Variants in SLC25A28 observed in about 807,000 individuals in gnomAD.
SLC25A28 encodes mitoferrin-2.
SLC25A28 carries 10 observed loss-of-function variants against 31.9 expected under a neutral mutation model. The observed-to-expected ratio is 0.31, with a 90% CI of 0.19 to 0.53. SLC25A28 has a LOEUF of 0.53. SLC25A28 is among the 20% of genes least tolerant of loss of function. The probability of loss-of-function intolerance (pLI) is 0.95; values close to 1 mark genes in which losing one functional copy is unlikely to be tolerated. For synonymous variants in SLC25A28, 208 were observed against 203.6 expected (o/e 1.02, Z -0.19); for missense variants, 256 against 490.3 (o/e 0.52, Z 4.51).
At chr10:99,642,305 A>G in the SLC25A28 span, among the ~76,000 whole-genome samples, 1 of 151,958 alleles carries the variant, frequency 6.6e-6, no homozygotes, top group African/African-American at 2.4e-5. Context: ...TTGGATTCCT[A>G]GGTATTTTAT....
the SLC25A28 span, among the ~76,000 whole-genome samples, chr10:99,642,203 G>A: frequency 5.9e-5 from 9 of 152,284 alleles, no homozygotes; most frequent in East Asian, 1.7e-3. Context: ...CCATGAGCAT[G>A]GAATGTTCTT....
the SLC25A28 span, among the ~76,000 whole-genome samples, chr10:99,634,409 G>A: frequency 8.2e-3 from 1,138 of 138,500 alleles, 17 homozygotes; most frequent in African/African-American, 0.028. Flanking sequence ...GATACAAGAA[G>A]TAAAGGGAGA....
At chr10:99,637,634 A>G in the SLC25A28 span, among the ~76,000 whole-genome samples, 4 of 152,172 alleles carry the variant, frequency 2.6e-5, no homozygotes, top group East Asian at 5.8e-4. Context: ...TCTCCTATAC[A>G]CCAACAGCGA....
the SLC25A28 span, among the ~76,000 whole-genome samples, chr10:99,633,150 A>G: frequency 6.6e-6 from 1 of 152,102 alleles, no homozygotes; most frequent in Non-Finnish European, 1.5e-5. Context: ...TAAAAAAAAA[A>G]AGTTGGCCTC....
At position 99,613,155 on chromosome 10, in the gene SLC25A28, T is replaced by C. The variant is rs1425139887; in HGVS notation, c.520+541A>G. Among the ~76,000 whole-genome samples, 2 of 152,218 alleles carry C rather than the reference T, an allele frequency of 1.3e-5. No individual in the cohort carries two copies. Among genetic ancestry groups the C allele is most frequent in the Non-Finnish European group, 2.9e-5 (2 of 68,024 alleles). ...AGCCCTAGGCTGCTATCCTTTCTCT[T>C]ACTTCCACACAACCTTCTGGTTTCT... On this transcript the variant is annotated intron_variant, in intron 2 of 3. Coordinates refer to ENST00000370495, the MANE Select transcript of SLC25A28 (RefSeq NM_031212.4). This position sits in a 1 kb window ranked among gnomAD's most constrained non-coding sequence, Gnocchi z 4.9.
chr10:99,656,987 G>C, the SLC25A28 span, among the ~76,000 whole-genome samples: 4 of 152,258 alleles, frequency 2.6e-5, no homozygotes, highest in South Asian at 8.3e-4. Flanking sequence ...ATTTATTGAA[G>C]GAAGTATTGT....
At chr10:99,642,960 C>T in the SLC25A28 span, among the ~76,000 whole-genome samples, 8 of 152,206 alleles carry the variant, frequency 5.3e-5, no homozygotes, top group Admixed American at 3.9e-4. Context: ...TTGCTGGATT[C>T]GGTTTGCCAG....
the SLC25A28 span, among the ~76,000 whole-genome samples, chr10:99,655,554 C>T: frequency 1.3e-5 from 2 of 152,166 alleles, no homozygotes; most frequent in Non-Finnish European, 2.9e-5. Flanking sequence ...CATGCCACCA[C>T]GCCCAGCCCC....
the SLC25A28 span, among the ~76,000 whole-genome samples, chr10:99,643,244 G>T: frequency 6.6e-6 from 1 of 152,116 alleles, no homozygotes; most frequent in African/African-American, 2.4e-5. Context: ...CAATTTCAGA[G>T]CCTGTTACCA....
At chr10:99,656,339 T>G in the SLC25A28 span, among the ~76,000 whole-genome samples, 2 of 152,068 alleles carry the variant, frequency 1.3e-5, no homozygotes, top group Non-Finnish European at 2.9e-5. Context: ...AGTGACTCAT[T>G]GGATGGAAAG....
At chr10:99,650,545 A>G in the SLC25A28 span, among the ~76,000 whole-genome samples, 1 of 151,836 alleles carries the variant, frequency 6.6e-6, no homozygotes, top group Non-Finnish European at 1.5e-5. Context: ...AAACTCTCAA[A>G]ATGGTGCCTT....
chr10:99,611,526 T>C lies in SLC25A28; in HGVS notation c.578-160A>G. On this transcript the variant is annotated intron_variant, in intron 3 of 3. Transcript: ENST00000370495. The surrounding 1 kb of genome is among the most constrained non-coding windows in gnomAD (Gnocchi z 5.5). Reference sequence around the variant, plus strand: ...CTAACCTGAGAAGTCAGCTTCCCTTTTTTGAGGGGAAGGAGTAAGCAGAGG... The same window carrying C: ...CTAACCTGAGAAGTCAGCTTCCCTTCTTTGAGGGGAAGGAGTAAGCAGAGG... The C allele has an allele frequency of 3.5e-6, 3 of 857,730 alleles. No homozygotes were observed. The highest frequency in any genetic ancestry group is 5.3e-6 in the Non-Finnish European group (3 of 566,242). The allele number at this position is 857,730 out of a possible 1,614,324, so 53.1% of individuals were successfully genotyped here.
chr10:99,649,585 CTTT>C, the SLC25A28 span, among the ~76,000 whole-genome samples: 8 of 152,052 alleles, frequency 5.3e-5, no homozygotes, highest in African/African-American at 1.9e-4. Flanking sequence ...TGGTTCTGGG[CTTT>C]TTTTGTTGTT....
the SLC25A28 span, among the ~76,000 whole-genome samples, chr10:99,627,167 G>A: frequency 1.6e-4 from 24 of 152,126 alleles, no homozygotes; most frequent in African/African-American, 5.5e-4. Context: ...CTTGAACCAG[G>A]GAGGCAGAGG....
chr10:99,642,355 T>A, the SLC25A28 span, among the ~76,000 whole-genome samples: 2 of 152,200 alleles, frequency 1.3e-5, no homozygotes, highest in Non-Finnish European at 2.9e-5. Context: ...CACTCATGAT[T>A]TGGCTCTCTG....
Position 99,611,027 on chromosome 10 carries a change from G to A in SLC25A28, c.917C>T (p.Thr306Ile), listed in dbSNP as rs753270522. ...ALNSHITGHI[T>I]GMASAFRTVY... ...CGTCCTGAAGGCACTAGCCATGCCT[G>A]TGATATGTCCTGTAATGTGTGAGTT... The change falls in exon 4 of 4, where the codon ACA becomes ATA. Residue 306 changes from threonine (T) to isoleucine (I), a missense_variant. Physicochemically the swap from Thr to Ile is moderately conservative, Grantham distance 89. Transcript: ENST00000370495. The surrounding 1 kb of genome is among the most constrained non-coding windows in gnomAD (Gnocchi z 5.5). 6.2e-7 allele frequency: 1 copy of A among 1,614,220 alleles called. No homozygotes were observed. The highest frequency in any genetic ancestry group is 8.5e-7 in the Non-Finnish European group (1 of 1,180,038).
At chr10:99,658,070 A>G in the SLC25A28 span, among the ~76,000 whole-genome samples, 1 of 152,198 alleles carries the variant, frequency 6.6e-6, no homozygotes, top group East Asian at 1.9e-4. Flanking sequence ...GTGCCTGTAG[A>G]GCCAGCTACT....
In SLC25A28 at chr10:99,613,732, C is replaced by A. The variant is rs1565019666; in HGVS notation, c.484G>T (p.Val162Leu). Residue 162 changes from valine to leucine, a missense_variant, in exon 2 of 4, where the codon GTA (valine) becomes TTA (leucine). Coordinates refer to ENST00000370495, the MANE Select transcript of SLC25A28 (RefSeq NM_031212.4). The surrounding 1 kb of genome is among the most constrained non-coding windows in gnomAD (Gnocchi z 4.9). ...TGGCTATTGCCCCCAGGGTGGATTA[C>A]ATCACTCAATGTCTTTTTTAACTTT... ...YEKLKKTLSDVIHPGGNSHIA... is the reference protein window; with the variant it reads ...YEKLKKTLSDLIHPGGNSHIA... The A allele has an allele frequency of 6.2e-7, 1 of 1,614,222 alleles. No individual in the cohort carries two copies.
the SLC25A28 span, among the ~76,000 whole-genome samples, chr10:99,635,768 G>T: frequency 6.6e-6 from 1 of 152,056 alleles, no homozygotes; most frequent in African/African-American, 2.4e-5. Context: ...AAGTAAAGGG[G>T]TGGAAAAAGG....
Sources: gnomAD v4.1 joint callset for allele counts (sites outside exome capture counted in the v4.1 genomes callset) on GRCh38, gnomAD v4.1.1 for gene constraint, Gnocchi (gnomAD v3.1) non-coding constraint, MANE v1.5 for transcripts, NCBI Gene and HGNC (gene_info 2026-07-23, HGNC 2026-07-21) for gene names.